Variants in AKNAD1 observed in about 807,000 individuals in gnomAD.
AKNAD1 encodes protein AKNAD1.
AKNAD1 carries 67 observed loss-of-function variants against 90.8 expected under a neutral mutation model. That is an observed-to-expected ratio of 0.74 (90% CI 0.61 to 0.90). The LOEUF (loss-of-function observed/expected upper bound fraction) is 0.90. Among genes scored for constraint, AKNAD1 ranks in the 40% least tolerant of loss-of-function variants. The probability of loss-of-function intolerance (pLI) is 0.00; values close to 1 mark genes in which losing one functional copy is unlikely to be tolerated. For synonymous variants in AKNAD1, 327 were observed against 341.4 expected (o/e 0.96, Z 0.46); for missense variants, 957 against 975.4 (o/e 0.98, Z 0.25).
intron 1 of AKNAD1, among the ~76,000 whole-genome samples, 170 bp downstream of exon 1, chr1:108,856,759 C>A (rs147655005): frequency 8.6e-5 from 13 of 151,642 alleles, no homozygotes; most frequent in African/African-American, 2.9e-4. Flanking sequence ...CACACACAGA[C>A]AAAGAAAGAA....
chr1:108,833,839 G>C (rs1268149343), intron 9 of AKNAD1, among the ~76,000 whole-genome samples: 1 of 151,848 alleles, frequency 6.6e-6, no homozygotes, highest in Non-Finnish European at 1.5e-5. Context: ...CTCCACCTGA[G>C]TTGGAGACCC....
chr1:108,855,370 G>A (rs1034418194), intron 1 of AKNAD1, among the ~76,000 whole-genome samples: 2 of 151,792 alleles, frequency 1.3e-5, no homozygotes, highest in Non-Finnish European at 1.5e-5. Flanking sequence ...CCAAGATCGC[G>A]CCACTGCACT....
At position 108,823,369 on chromosome 1, in the gene AKNAD1, CA is replaced by C; in HGVS notation, c.2167del (p.Ser723LeufsTer3). Reference protein sequence around the residue: ...SLDESKNSSPSFLKPKRICSQ... With the variant: ...SLDESKNSSPXFLKPKRICSQ... ...TGGGGTCATGCAGGAGATGTACTTA[CA>C]GGGTGAAGAGTTTTTACTTTCATCT... On this transcript the variant is annotated frameshift_variant and splice_region_variant, in exon 13 of 16. Coordinates refer to ENST00000370001, the MANE Select transcript of AKNAD1 (RefSeq NM_152763.5). LOFTEE classifies it high-confidence loss of function. 1 of 1,606,174 alleles carries C rather than the reference CA, an allele frequency of 6.2e-7. No homozygotes were observed. Among genetic ancestry groups the C allele is most frequent in the Non-Finnish European group, 8.5e-7 (1 of 1,172,720 alleles).
chr1:108,839,260 T>A (rs1664465274), intron 6 of AKNAD1, among the ~76,000 whole-genome samples: 1 of 151,912 alleles, frequency 6.6e-6, no homozygotes, highest in Non-Finnish European at 1.5e-5. Flanking sequence ...CCGAGGTGGG[T>A]GGATCACGAG....
Position 108,852,499 on chromosome 1 carries a change from C to T in AKNAD1, c.166G>A (p.Glu56Lys). ...QIIFIADDPQ[E>K]KAMHSETCGN... ...CAAGTCTCACTATGCATAGCCTTCTCTTGAGGGTCATCTGCTATGAAAATA... is the reference window on the plus strand; with the variant it reads ...CAAGTCTCACTATGCATAGCCTTCTTTTGAGGGTCATCTGCTATGAAAATA... Residue 56 changes from glutamate (E) to lysine (K), a missense_variant, in exon 2 of 16, where the codon GAG becomes AAG. By Grantham distance (56) the Glu-to-Lys change is moderately conservative. Transcript: ENST00000370001. 6.2e-7 allele frequency: 1 copy of T among 1,614,128 alleles called. No homozygotes were observed. The highest frequency in any genetic ancestry group is 8.5e-7 in the Non-Finnish European group (1 of 1,180,014).
intron 7 of AKNAD1, 112 bp downstream of exon 7, chr1:108,837,438 A>C: frequency 9.0e-7 from 1 of 1,109,698 alleles, no homozygotes; most frequent in East Asian, 2.4e-5. Context: ...GGAAAGTTAA[A>C]TTTTCATGAG....
intron 11 of AKNAD1, among the ~76,000 whole-genome samples, chr1:108,824,251 C>T (rs768956799): frequency 7.9e-5 from 12 of 152,146 alleles, no homozygotes; most frequent in African/African-American, 9.7e-5. Context: ...AGGCTGTGGA[C>T]GGAACAGCAC....
chr1:108,827,768 C>T (rs7517916), intron 10 of AKNAD1, among the ~76,000 whole-genome samples: 1 of 145,856 alleles, frequency 6.9e-6, no homozygotes, highest in Non-Finnish European at 1.5e-5. Context: ...GAGCCGAGAT[C>T]GCGCCACTGC....
At chr1:108,834,818 G>A (rs1664328641) in intron 8 of AKNAD1, 111 bp downstream of exon 8, 3 of 1,465,800 alleles carry the variant, frequency 2.0e-6, no homozygotes, top group East Asian at 2.4e-5. Flanking sequence ...GTAACTCGTG[G>A]TCCAAGACTG....
intron 10 of AKNAD1, among the ~76,000 whole-genome samples, chr1:108,828,974 A>G (rs942312437): frequency 6.6e-6 from 1 of 151,900 alleles, no homozygotes; most frequent in Non-Finnish European, 1.5e-5. Flanking sequence ...TAAAGGGATA[A>G]GCATATTTTA....
At chr1:108,841,707 A>G (rs1022985678) in intron 6 of AKNAD1, among the ~76,000 whole-genome samples, 27 of 152,296 alleles carry the variant, frequency 1.8e-4, no homozygotes, top group Middle Eastern at 3.4e-3. Flanking sequence ...CGACATATCA[A>G]GAACCCAAGG....
chr1:108,831,875 C>T (rs557406672), intron 9 of AKNAD1, among the ~76,000 whole-genome samples: 84 of 152,244 alleles, frequency 5.5e-4, no homozygotes, highest in African/African-American at 1.9e-3. Context: ...TCGCCCACCT[C>T]GGCCTCCCAA....
intron 6 of AKNAD1, among the ~76,000 whole-genome samples, chr1:108,838,590 G>A (rs1001443725): frequency 6.6e-6 from 1 of 151,628 alleles, no homozygotes. Context: ...CCACAGAAAA[G>A]GATTCATAAA....
intron 11 of AKNAD1, among the ~76,000 whole-genome samples, chr1:108,824,724 TTA>T (rs1394704759): frequency 6.6e-6 from 1 of 151,542 alleles, no homozygotes; most frequent in Non-Finnish European, 1.5e-5. Context: ...TGTTTTGTTT[TTA>T]TGTTTAAATA....
rs1037763796 is a variant in AKNAD1, at chr1:108,843,215, G to C, written c.1298C>G (p.Ala433Gly). ...HLELLEQNFL[A>G]TKDKHLTLQQ... ...CAAAGTCAGATGCTTGTCCTTGGTG[G>C]CCAGAAAGTTCTGCTCCAGCAGTTC... The change falls in exon 6 of 16, where the codon GCC becomes GGC. Residue 433 changes from alanine (A) to glycine (G), a missense_variant. Transcript: ENST00000370001. 13 of 1,614,040 alleles carry C rather than the reference G, an allele frequency of 8.1e-6. No individual in the cohort carries two copies. Among genetic ancestry groups the C allele is most frequent in the African/African-American group, 1.3e-5 (1 of 74,914 alleles).
rs772602881 is a variant in AKNAD1, at chr1:108,823,133, A to AT, written c.2167+236dup. 1.1e-5 allele frequency: 8 copies of AT among 710,584 alleles called. No individual in the cohort carries two copies. In the African/African-American group the frequency reaches 1.4e-4, roughly 12 times the overall value. The allele number at this position is 710,584 out of a possible 1,614,324, so 44.0% of individuals were successfully genotyped here. On this transcript the variant is annotated intron_variant, in intron 13 of 15. Transcript: ENST00000370001. The stretch of plus-strand genomic sequence containing the variant: ...CCAACTTGCACTGGTGTAGCCCTTA[A>AT]TAACTTTCAAAGTCCTTGGTCACTG...
At chr1:108,838,496 G>T (rs1047175108) in intron 6 of AKNAD1, among the ~76,000 whole-genome samples, 7 of 151,960 alleles carry the variant, frequency 4.6e-5, no homozygotes, top group African/African-American at 1.7e-4. Flanking sequence ...AAAACTTCTA[G>T]TCTTAAATGC....
At chr1:108,823,099 G>T in intron 13 of AKNAD1, 1 of 665,366 alleles carries the variant, frequency 1.5e-6, no homozygotes, top group South Asian at 1.7e-5. Context: ...AAACATTTAT[G>T]GGTTGCTACC....
intron 9 of AKNAD1, among the ~76,000 whole-genome samples, chr1:108,832,640 T>C (rs1277418113): frequency 1.3e-5 from 2 of 152,242 alleles, no homozygotes; most frequent in Non-Finnish European, 2.9e-5. Context: ...CTCAGTTGTC[T>C]ATCTACATTT....
Sources: allele counts gnomAD v4.1 joint callset (sites outside exome capture counted in the v4.1 genomes callset), GRCh38; gene constraint gnomAD v4.1.1; transcripts MANE v1.5; gene names NCBI Gene and HGNC (gene_info 2026-07-23, HGNC 2026-07-21).